Variants in LRCH1 observed in about 807,000 individuals in gnomAD.
LRCH1 encodes leucine-rich repeat and calponin homology domain-containing protein 1.
In LRCH1, 23 loss-of-function variants were observed where a neutral mutation model predicts 94.9. That is an observed-to-expected ratio of 0.24 (90% CI 0.17 to 0.34). The LOEUF (loss-of-function observed/expected upper bound fraction) is 0.34, where lower values mean the gene tolerates loss of function less well. Among genes scored for constraint, LRCH1 ranks in the 10% least tolerant of loss-of-function variants. The pLI is 1.00. For synonymous variants in LRCH1, 364 were observed against 354.9 expected (o/e 1.03, Z -0.29); for missense variants, 790 against 945.9 (o/e 0.84, Z 2.16).
intron 18 of LRCH1, among the ~76,000 whole-genome samples, chr13:46,731,595 T>C (rs1361985321): frequency 1.3e-5 from 2 of 152,256 alleles, no homozygotes; most frequent in African/African-American, 2.4e-5. Flanking sequence ...TATTATATTA[T>C]AGTTTTCCTT....
At chr13:46,730,136 C>G (rs1180114148) in intron 18 of LRCH1, among the ~76,000 whole-genome samples, 2 of 152,130 alleles carry the variant, frequency 1.3e-5, no homozygotes, top group African/African-American at 4.8e-5. Context: ...CACTGCTCAC[C>G]CTTTTTGCTG....
intron 10 of LRCH1, among the ~76,000 whole-genome samples, chr13:46,700,110 C>T (rs147159723): frequency 2.0e-5 from 3 of 152,084 alleles, no homozygotes; most frequent in African/African-American, 4.8e-5. Flanking sequence ...GGTGTGTGAT[C>T]CCATCAGACA....
intron 2 of LRCH1, among the ~76,000 whole-genome samples, chr13:46,652,786 T>C (rs1488999416): frequency 1.3e-5 from 2 of 152,262 alleles, no homozygotes; most frequent in African/African-American, 2.4e-5. Flanking sequence ...TCTATATATT[T>C]AACTTTGCAT....
At chr13:46,650,090 A>G in intron 1 of LRCH1, 111 bp from the exon 2 acceptor site, 3 of 681,634 alleles carry the variant, frequency 4.4e-6, no homozygotes, top group Non-Finnish European at 7.0e-6. Context: ...AAAAAAAATG[A>G]TAATGTTGGT....
intron 3 of LRCH1, chr13:46,680,039 G>A (rs1253357294): frequency 6.6e-6 from 1 of 152,232 alleles, no homozygotes; most frequent in African/African-American, 2.4e-5. Flanking sequence ...TTTCTGAAAC[G>A]AGGCTCTGCT....
intron 17 of LRCH1, among the ~76,000 whole-genome samples, chr13:46,725,889 G>A (rs1342729657): frequency 6.6e-6 from 1 of 152,092 alleles, no homozygotes; most frequent in Non-Finnish European, 1.5e-5. Context: ...GCCCCTCAAG[G>A]AGTGATATCT....
chr13:46,595,197 T>G (rs555383095), intron 1 of LRCH1, among the ~76,000 whole-genome samples: 1 of 152,188 alleles, frequency 6.6e-6, no homozygotes, highest in Non-Finnish European at 1.5e-5. Context: ...GTGGCAGACT[T>G]TAATGAATGT....
chr13:46,666,230 T>C (rs1469361689), intron 2 of LRCH1, among the ~76,000 whole-genome samples: 1 of 152,232 alleles, frequency 6.6e-6, no homozygotes, highest in African/African-American at 2.4e-5. Context: ...CAGCTTTTAG[T>C]GTAAAAAGCA....
intron 4 of LRCH1, among the ~76,000 whole-genome samples, chr13:46,684,777 T>G (rs895777602): frequency 6.6e-6 from 1 of 152,086 alleles, no homozygotes; most frequent in Admixed American, 6.5e-5. Context: ...ACAAGCTGGG[T>G]TGAGCAATGA....
chr13:46,641,197 G>T (rs1462195974), intron 1 of LRCH1, among the ~76,000 whole-genome samples: 1 of 152,178 alleles, frequency 6.6e-6, no homozygotes, highest in East Asian at 1.9e-4. Context: ...GAGAGAGGAA[G>T]TTCAGGATGG....
chr13:46,701,926 G>T (rs1404209598), intron 11 of LRCH1, among the ~76,000 whole-genome samples: 2 of 152,200 alleles, frequency 1.3e-5, no homozygotes, highest in East Asian at 3.8e-4. Context: ...TCCTAGCTGG[G>T]TTCTGCAAAT....
chr13:46,741,794 T>C lies in LRCH1; in HGVS notation c.2238T>C (p.Ile746=). ...RDLIGFCLVH[I]LFIVLVYITY... ...TTATAGGCTTCTGTCTTGTCCATAT[T>C]CTCTTTATAGTGCTGGTCTATATCA... The change falls in exon 20 of 20, where the codon ATT becomes ATC. Residue 746 remains isoleucine (I), a synonymous_variant. Transcript: ENST00000389797. 1 of 1,614,152 alleles carries C rather than the reference T, an allele frequency of 6.2e-7. No homozygotes were observed. Among genetic ancestry groups the C allele is most frequent in the Non-Finnish European group, 8.5e-7 (1 of 1,180,028 alleles).
At chr13:46,632,829 A>G (rs1204975268) in intron 1 of LRCH1, among the ~76,000 whole-genome samples, 2 of 152,254 alleles carry the variant, frequency 1.3e-5, no homozygotes, top group Non-Finnish European at 2.9e-5. Flanking sequence ...TCTTTTGGAA[A>G]TGATATGTTT....
chr13:46,672,211 C>T (rs2051609699), intron 3 of LRCH1, among the ~76,000 whole-genome samples: 1 of 152,116 alleles, frequency 6.6e-6, no homozygotes, highest in Non-Finnish European at 1.5e-5. Flanking sequence ...TTTTCTATGG[C>T]TTGACGGCTC....
At chr13:46,697,195 C>T (rs1871241545) in intron 9 of LRCH1, among the ~76,000 whole-genome samples, 1 of 152,148 alleles carries the variant, frequency 6.6e-6, no homozygotes, top group Non-Finnish European at 1.5e-5. Context: ...CTGTGCATAT[C>T]GAATTATCCA....
In LRCH1 at chr13:46,553,175, C is replaced by T. The variant is rs990402714; in HGVS notation, c.-222C>T. The T allele has an allele frequency of 2.6e-5, 15 of 577,676 alleles. No individual in the cohort carries two copies. The highest frequency in any genetic ancestry group is 3.9e-5 in the Non-Finnish European group (13 of 333,126). The allele number at this position is 577,676 out of a possible 1,614,324, so 35.8% of individuals were successfully genotyped here. ...CCGCCGCCGCCGCCGCCGCCGCAGT[C>T]CTTAGCTTCCCGGGGACAGGAAACC... On this transcript the variant is annotated 5_prime_UTR_variant, in exon 1 of 20. Transcript: ENST00000389797.
At chr13:46,737,261 A>T (rs1311327644) in intron 19 of LRCH1, among the ~76,000 whole-genome samples, 2 of 152,170 alleles carry the variant, frequency 1.3e-5, no homozygotes, top group Admixed American at 1.3e-4. Context: ...CACGACATTT[A>T]AAAAAATTTG....
Position 46,579,350 on chromosome 13 carries a change from G to A in LRCH1, c.307+25647G>A, listed in dbSNP as rs556715046. Reference sequence around the variant, plus strand: ...AGAGATATTAGTCGTTATGAAAAGTGTACCATCTCAGAACTCCATGGAATA... The same window carrying A: ...AGAGATATTAGTCGTTATGAAAAGTATACCATCTCAGAACTCCATGGAATA... On this transcript the variant is annotated intron_variant, in intron 1 of 19. Transcript: ENST00000389797. 6.6e-5 allele frequency among the ~76,000 whole-genome samples: 10 copies of A among 152,206 alleles called. No homozygotes were observed. The South Asian group carries it at 2.1e-3, about 32-fold the overall frequency.
chr13:46,641,941 T>C (rs895434460), intron 1 of LRCH1, among the ~76,000 whole-genome samples: 2 of 152,230 alleles, frequency 1.3e-5, no homozygotes, highest in Non-Finnish European at 2.9e-5. Context: ...TTCATGTGAA[T>C]GCTTCCATTA....
Sources: allele counts gnomAD v4.1 joint callset (sites outside exome capture counted in the v4.1 genomes callset), GRCh38; gene constraint gnomAD v4.1.1; transcripts MANE v1.5; gene names NCBI Gene and HGNC (gene_info 2026-07-23, HGNC 2026-07-21).